The following METAP1 variants were observed in gnomAD, a reference collection of about 807,000 sequenced individuals.
The protein encoded by METAP1 is methionine aminopeptidase 1.
In METAP1, 28 loss-of-function variants were observed where a neutral mutation model predicts 53.8. That is an observed-to-expected ratio of 0.52 (90% CI 0.39 to 0.71). METAP1 has a LOEUF of 0.71. Ranked by LOEUF, METAP1 falls within the 30% of genes least tolerant of loss-of-function variation. The pLI is 0.00. For missense variants in METAP1, 389 were observed against 479.8 expected (o/e 0.81, Z 1.77); for synonymous variants, 181 against 165.7 (o/e 1.09, Z -0.71).
At chr4:99,031,633 GA>G (rs1323320583) in intron 2 of METAP1, 1 of 1,227,644 alleles carries the variant, frequency 8.1e-7, no homozygotes, top group Non-Finnish European at 1.1e-6. Context: ...AGAAATCCAT[GA>G]GAAGTGCTTA....
intron 1 of METAP1, among the ~76,000 whole-genome samples, chr4:99,012,652 GTTTTTTTTTTT>G (rs78437310): frequency 1.1e-4 from 10 of 90,388 alleles, no homozygotes; most frequent in Non-Finnish European, 1.7e-4. Context: ...ATCCCATAAA[GTTTTTTTTTTT>G]TTTTTTTTTT....
Position 99,045,238 on chromosome 4 carries a change from G to A in METAP1, c.715G>A (p.Gly239Arg). The A allele has an allele frequency of 6.2e-7, 1 of 1,613,592 alleles. No individual in the cohort carries two copies. Among genetic ancestry groups the A allele is most frequent in the Non-Finnish European group, 8.5e-7 (1 of 1,179,720 alleles). The change falls in exon 8 of 11, where the codon GGA (glycine) becomes AGA (arginine). Residue 239 changes from glycine to arginine, a missense_variant. By Grantham distance (125) the Gly-to-Arg change is moderately radical. Transcript: ENST00000296411. ...HGDLNETFFV[G>R]EVDDGARKLV... ...GGACCTGAATGAGACATTTTTTGTT[G>A]GAGAAGTGGATGATGGAGCACGGAA...
chr4:99,056,559 T>C (rs1328155921), intron 9 of METAP1, among the ~76,000 whole-genome samples: 1 of 152,108 alleles, frequency 6.6e-6, no homozygotes, highest in Non-Finnish European at 1.5e-5. Flanking sequence ...TTTTTTGTTT[T>C]TTTTGTTTGC....
At chr4:99,009,635 G>A (rs1055567183) in intron 1 of METAP1, among the ~76,000 whole-genome samples, 9 of 152,086 alleles carry the variant, frequency 5.9e-5, no homozygotes, top group African/African-American at 2.2e-4. Context: ...TGTTGAGCAC[G>A]TTTCATATGC....
At position 99,034,243 on chromosome 4, in the gene METAP1, G is replaced by T; in HGVS notation, c.180G>T (p.Ala60=). ...LLHKKAKDEK[A]KREVSSWTVE... The stretch of plus-strand genomic sequence containing the variant: ...TCCGTCTCCCAGAAGATGAAAAGGC[G>T]AAGCGAGAAGTGTCTTCCTGGACTG... Residue 60 remains alanine (A), a synonymous_variant, in exon 3 of 11, where the codon GCG becomes GCT. Transcript: ENST00000296411. 5 of 1,548,980 alleles carry T rather than the reference G, an allele frequency of 3.2e-6. No homozygotes were observed. Among genetic ancestry groups the T allele is most frequent in the Non-Finnish European group, 4.4e-6 (5 of 1,144,546 alleles).
intron 7 of METAP1, 83 bp downstream of exon 7, chr4:99,043,470 G>A (rs943309146): frequency 8.2e-5 from 115 of 1,398,436 alleles, no homozygotes; most frequent in South Asian, 1.6e-4. Context: ...GTGTTTTCTT[G>A]ACTTGCTTCC....
At chr4:99,048,118 C>T (rs1230168425) in intron 8 of METAP1, among the ~76,000 whole-genome samples, 1 of 152,080 alleles carries the variant, frequency 6.6e-6, no homozygotes, top group Non-Finnish European at 1.5e-5. Context: ...GGGAAGGATG[C>T]GAAAAGAAGT....
At position 99,041,138 on chromosome 4, in the gene METAP1, A is replaced by C; in HGVS notation, c.516+12A>C. 6.5e-7 allele frequency: 1 copy of C among 1,535,800 alleles called. No homozygotes were observed. The highest frequency in any genetic ancestry group is 8.9e-7 in the Non-Finnish European group (1 of 1,124,682). On this transcript the variant is annotated intron_variant, in intron 6 of 10. Coordinates refer to ENST00000296411, the MANE Select transcript of METAP1 (RefSeq NM_015143.3). ...ACGCTGTACACTTAGTAAGAACTTCACTTTTTTACTTTGAGTAATTTTGTT... is the reference window on the plus strand; with the variant it reads ...ACGCTGTACACTTAGTAAGAACTTCCCTTTTTTACTTTGAGTAATTTTGTT...
chr4:99,046,936 C>CAAA (rs56702946), intron 8 of METAP1, among the ~76,000 whole-genome samples: 40 of 82,210 alleles, frequency 4.9e-4, no homozygotes, highest in South Asian at 1.0e-3. Context: ...ACTGAAGAAA[C>CAAA]AAAAAAAAAA....
At chr4:99,041,009 C>CT in intron 5 of METAP1, 34 bp from the exon 6 acceptor site, 4 of 1,508,338 alleles carry the variant, frequency 2.7e-6, no homozygotes, top group Non-Finnish European at 3.6e-6. Context: ...GTTTCTGTGT[C>CT]TTTTTTAATG....
intron 1 of METAP1, among the ~76,000 whole-genome samples, chr4:99,004,570 A>G (rs1334009468): frequency 3.3e-5 from 5 of 152,084 alleles, no homozygotes; most frequent in African/African-American, 7.2e-5. Flanking sequence ...GTAAATGCCT[A>G]TATACCTACC....
chr4:99,034,139 A>G, intron 2 of METAP1, 91 bp from the exon 3 acceptor site: 1 of 775,186 alleles, frequency 1.3e-6, no homozygotes, highest in Non-Finnish European at 2.1e-6. Flanking sequence ...AGAGATATTC[A>G]AAGTATGCTG....
At chr4:99,020,771 T>C (rs1416714481) in intron 1 of METAP1, among the ~76,000 whole-genome samples, 41 of 152,240 alleles carry the variant, frequency 2.7e-4, no homozygotes, top group Admixed American at 2.6e-3. Flanking sequence ...TCGAGCCATA[T>C]TTTGGCCAGA....
intron 9 of METAP1, among the ~76,000 whole-genome samples, chr4:99,054,962 G>C (rs1472346640): frequency 6.6e-6 from 1 of 152,086 alleles, no homozygotes; most frequent in East Asian, 1.9e-4. Context: ...TGATAATAAT[G>C]AACATGTTTG....
rs1238268880 is a variant in METAP1 at position 99,062,546 on chromosome 4, T to C, written c.*1229T>C. ...TTGATTACTGGGCATCCTTGTAATATAATTTCATACCACTGACACATTATA... is the reference window on the plus strand; with the variant it reads ...TTGATTACTGGGCATCCTTGTAATACAATTTCATACCACTGACACATTATA... On this transcript the variant is annotated 3_prime_UTR_variant, in exon 11 of 11. Transcript: ENST00000296411. 6.5e-6 allele frequency: 1 copy of C among 152,686 alleles called. No homozygotes were observed. Among genetic ancestry groups the C allele is most frequent in the Non-Finnish European group, 1.5e-5 (1 of 68,042 alleles). The allele number at this position is 152,686 out of a possible 1,614,324, so 9.5% of individuals were successfully genotyped here. A position where few individuals can be genotyped will look rare whatever the true frequency, so the allele number is the denominator to read the frequency against.
chr4:98,998,813 A>C (rs78029502), intron 1 of METAP1, among the ~76,000 whole-genome samples: 1 of 144,080 alleles, frequency 6.9e-6, no homozygotes, highest in Non-Finnish European at 1.5e-5. Context: ...AAAAATGAGG[A>C]TTTTTTTTTT....
intron 9 of METAP1, among the ~76,000 whole-genome samples, chr4:99,056,331 G>C (rs189279141): frequency 6.6e-6 from 1 of 152,218 alleles, no homozygotes; most frequent in African/African-American, 2.4e-5. Flanking sequence ...GTCTAAAAAA[G>C]CCTATTCCTA....
intron 8 of METAP1, 127 bp downstream of exon 8, chr4:99,045,437 G>A: frequency 1.9e-6 from 2 of 1,027,196 alleles, no homozygotes; most frequent in South Asian, 2.1e-5. Context: ...AGTTAGCTTT[G>A]GTTGTTAGCA....
At chr4:99,054,480 A>G (rs1726955374) in intron 9 of METAP1, among the ~76,000 whole-genome samples, 1 of 152,190 alleles carries the variant, frequency 6.6e-6, no homozygotes, top group Non-Finnish European at 1.5e-5. Context: ...TATCCAGACC[A>G]TTCAAACTTC....
Sources: gnomAD v4.1 joint callset for allele counts (sites outside exome capture counted in the v4.1 genomes callset) on GRCh38, gnomAD v4.1.1 for gene constraint, MANE v1.5 for transcripts, NCBI Gene and HGNC (gene_info 2026-07-23, HGNC 2026-07-21) for gene names.